Variants in GSDMC observed in about 807,000 individuals in gnomAD.
GSDMC encodes the protein gasdermin C, also known as gasdermin-C.
GSDMC carries 59 observed loss-of-function variants against 58.0 expected under a neutral mutation model. The observed-to-expected ratio is 1.02, with a 90% CI of 0.82 to 1.26. The LOEUF (loss-of-function observed/expected upper bound fraction) is 1.26, where lower values mean the gene tolerates loss of function less well. Among genes scored for constraint, GSDMC ranks in the 50% most tolerant of loss-of-function variants. The pLI is 0.00. For synonymous variants in GSDMC, 241 were observed against 220.2 expected (o/e 1.09, Z -0.83); for missense variants, 659 against 598.5 (o/e 1.10, Z -1.06).
Position 129,780,771 on chromosome 8 carries a change from T to C in GSDMC, c.-4-3180A>G, listed in dbSNP as rs201626296. Among the ~76,000 whole-genome samples, 3 of 152,216 alleles carry C rather than the reference T, an allele frequency of 2.0e-5. No homozygotes were observed. The East Asian group carries it at 5.8e-4, about 29-fold the overall frequency. On this transcript the variant is annotated intron_variant, in intron 1 of 13. Transcript: ENST00000276708. ...ATATTATAACACTGTAATTGTGGTG[T>C]GTAAACTACTCTTACCTTAAGTAGA...
chr8:129,762,711 A>G lies in GSDMC; in HGVS notation c.591T>C (p.Ser197=). The change falls in exon 5 of 14, where the codon AGT becomes AGC. Residue 197 remains serine (S), a synonymous_variant. Coordinates refer to ENST00000276708, the MANE Select transcript of GSDMC (RefSeq NM_031415.3). ...TCAGCGCCTTCTTCTTCACTCTGAG[A>G]CTCTCTCCTTGGCCTTGACCCTGGG... The part of the protein sequence containing the change: ...TYGKGQGQGE[S]LRVKKKALTL... 3 of 1,612,926 alleles carry G rather than the reference A, an allele frequency of 1.9e-6. No homozygotes were observed. The highest frequency in any genetic ancestry group is 2.5e-6 in the Non-Finnish European group (3 of 1,179,136).
chr8:129,774,932 A>T (rs2034175604), intron 3 of GSDMC, among the ~76,000 whole-genome samples: 1 of 152,216 alleles, frequency 6.6e-6, no homozygotes, highest in Non-Finnish European at 1.5e-5. Flanking sequence ...GTTGGCAAAG[A>T]TGTGAATTAA....
the GSDMC span, among the ~76,000 whole-genome samples, chr8:129,709,225 A>G: frequency 6.6e-6 from 1 of 151,142 alleles, no homozygotes; most frequent in Non-Finnish European, 1.5e-5. Flanking sequence ...AATTGGTTAC[A>G]TTCAGCTGGC....
At chr8:129,752,901 C>T in intron 6 of GSDMC, 81 bp from the exon 7 acceptor site, 1 of 1,595,728 alleles carries the variant, frequency 6.3e-7, no homozygotes. Flanking sequence ...AGAGCAGAGC[C>T]AGGCTGGGCT....
At chr8:129,724,763 G>T in the GSDMC span, among the ~76,000 whole-genome samples, 1 of 152,088 alleles carries the variant, frequency 6.6e-6, no homozygotes, top group Non-Finnish European at 1.5e-5. Context: ...GGAAAAAAAT[G>T]TTATTAGAAT....
At chr8:129,739,820 AT>A in the GSDMC span, among the ~76,000 whole-genome samples, 413 of 152,166 alleles carry the variant, frequency 2.7e-3, 3 homozygotes, top group African/African-American at 9.5e-3. Context: ...CATTTGTCAT[AT>A]TTTTTTAATT....
intron 2 of GSDMC, among the ~76,000 whole-genome samples, chr8:129,776,759 TTTTTG>T (rs2034242830): frequency 1.3e-5 from 2 of 151,094 alleles, no homozygotes; most frequent in East Asian, 2.0e-4. Context: ...GTTGTTGTTG[TTTTTG>T]TTGTTGTTGT....
At chr8:129,715,507 T>C in the GSDMC span, among the ~76,000 whole-genome samples, 1 of 152,108 alleles carries the variant, frequency 6.6e-6, no homozygotes, top group Non-Finnish European at 1.5e-5. Flanking sequence ...AGAACAAGAA[T>C]CTCAAAACCC....
the GSDMC span, chr8:129,729,455 C>T: frequency 1.6e-5 from 5 of 308,630 alleles, no homozygotes; most frequent in Non-Finnish European, 3.0e-5. Flanking sequence ...TGCTTTCCCT[C>T]CCCCCTTCTC....
rs1322083021 is a variant in GSDMC at position 129,776,044 on chromosome 8, A to G, written c.404+58T>C. 8 of 1,337,052 alleles carry G rather than the reference A, an allele frequency of 6.0e-6. No individual in the cohort carries two copies. The African/African-American group carries it at 1.2e-4, about 20-fold the overall frequency. The allele number at this position is 1,337,052 out of a possible 1,614,324, so 82.8% of individuals were successfully genotyped here. ...ACTTGCTAGATGTATTTTTGTGTTC[A>G]AGGAAAACACCCCCTGGGATACTGA... On this transcript the variant is annotated intron_variant, in intron 3 of 13. Transcript: ENST00000276708.
chr8:129,705,967 A>T, the GSDMC span, among the ~76,000 whole-genome samples: 2 of 152,182 alleles, frequency 1.3e-5, no homozygotes, highest in African/African-American at 4.8e-5. Flanking sequence ...CAATCAATCA[A>T]TATATTCATA....
chr8:129,710,372 C>T, the GSDMC span, among the ~76,000 whole-genome samples: 1 of 152,188 alleles, frequency 6.6e-6, no homozygotes, highest in Admixed American at 6.5e-5. Context: ...CACATCCTTG[C>T]ACCGGCCAAC....
chr8:129,709,606 A>AGAT, the GSDMC span, among the ~76,000 whole-genome samples: 1 of 151,246 alleles, frequency 6.6e-6, no homozygotes, highest in Non-Finnish European at 1.5e-5. Flanking sequence ...ATAGATAGAT[A>AGAT]GATAGATAGA....
At chr8:129,757,841 A>G (rs560560728) in intron 6 of GSDMC, among the ~76,000 whole-genome samples, 1 of 152,050 alleles carries the variant, frequency 6.6e-6, no homozygotes, top group Admixed American at 6.5e-5. Context: ...AAGATACAAA[A>G]ATTAGCCAGG....
At chr8:129,708,645 A>G in the GSDMC span, among the ~76,000 whole-genome samples, 4 of 152,374 alleles carry the variant, frequency 2.6e-5, no homozygotes, top group Non-Finnish European at 4.4e-5. Context: ...GTCAGGGGCA[A>G]TGGATTCGGC....
the GSDMC span, among the ~76,000 whole-genome samples, chr8:129,736,855 TG>T: frequency 6.6e-6 from 1 of 152,238 alleles, no homozygotes; most frequent in Non-Finnish European, 1.5e-5. Flanking sequence ...AAATTGTCCC[TG>T]TTTGCAGATC....
At chr8:129,751,369 A>G (rs2033182495) in intron 10 of GSDMC, among the ~76,000 whole-genome samples, 173 bp downstream of exon 10, 1 of 152,124 alleles carries the variant, frequency 6.6e-6, no homozygotes, top group African/African-American at 2.4e-5. Flanking sequence ...TTCAGGTTCA[A>G]AATAATTCTT....
the GSDMC span, among the ~76,000 whole-genome samples, chr8:129,717,321 C>G: frequency 7.6e-6 from 1 of 130,980 alleles, no homozygotes; most frequent in Admixed American, 8.8e-5. Context: ...TGTTATTGGT[C>G]TATTCAGGGA....
chr8:129,753,318 G>A (rs999941740), intron 6 of GSDMC, among the ~76,000 whole-genome samples: 2 of 152,212 alleles, frequency 1.3e-5, no homozygotes, highest in African/African-American at 4.8e-5. Context: ...AGCCACAGTA[G>A]GACAGGAGAC....
Sources: allele counts gnomAD v4.1 joint callset (sites outside exome capture counted in the v4.1 genomes callset), GRCh38; gene constraint gnomAD v4.1.1; transcripts MANE v1.5; gene names NCBI Gene and HGNC (gene_info 2026-07-23, HGNC 2026-07-21).